FHIT: variants seen among roughly 807,000 people sequenced by gnomAD.
The protein encoded by FHIT is bis(5'-adenosyl)-triphosphatase.
FHIT carries 19 observed loss-of-function variants against 17.9 expected under a neutral mutation model. The observed-to-expected ratio is 1.06, with a 90% CI of 0.74 to 1.56. The LOEUF is 1.56. FHIT is among the 40% of genes most tolerant of loss of function. The pLI is 0.00. For synonymous variants in FHIT, 81 were observed against 69.7 expected, an observed-to-expected ratio of 1.16 and a Z score of -0.81; for missense variants, 248 against 189.2, an observed-to-expected ratio of 1.31 and a Z score of -1.82.
intron 5 of FHIT, among the ~76,000 whole-genome samples, chr3:60,397,292 G>A (rs1701483927): frequency 1.3e-5 from 2 of 152,168 alleles, no homozygotes; most frequent in African/African-American, 2.4e-5. Flanking sequence ...AGATTACTGG[G>A]GGAGGAAAGC....
chr3:60,256,845 T>G (rs767150909), intron 5 of FHIT, among the ~76,000 whole-genome samples: 2 of 152,208 alleles, frequency 1.3e-5, no homozygotes, highest in African/African-American at 2.4e-5. Context: ...CTCTATGATC[T>G]TACTAATATT....
At chr3:61,041,107 A>G (rs1049989516) in intron 3 of FHIT, among the ~76,000 whole-genome samples, 11 of 152,280 alleles carry the variant, frequency 7.2e-5, no homozygotes, top group East Asian at 1.9e-4. Context: ...CTGGCTGGGC[A>G]CGGTGGCTCA....
At chr3:60,573,447 T>C (rs181136411) in intron 4 of FHIT, among the ~76,000 whole-genome samples, 2 of 152,276 alleles carry the variant, frequency 1.3e-5, no homozygotes, top group Admixed American at 1.3e-4. Flanking sequence ...GTAGTGGGTA[T>C]AGAAAGGAGA....
At chr3:61,005,386 G>A (rs768183222) in intron 3 of FHIT, among the ~76,000 whole-genome samples, 3 of 152,100 alleles carry the variant, frequency 2.0e-5, no homozygotes, top group Non-Finnish European at 4.4e-5. Flanking sequence ...ATATGATGAT[G>A]AGGAGGAGCA....
chr3:59,976,240 G>C (rs1708407067), intron 7 of FHIT, among the ~76,000 whole-genome samples: 1 of 152,064 alleles, frequency 6.6e-6, no homozygotes, highest in African/African-American at 2.4e-5. Context: ...AAATGCTTTA[G>C]ATAAAATCGA....
intron 5 of FHIT, among the ~76,000 whole-genome samples, chr3:60,318,141 T>A (rs1709253265): frequency 6.6e-6 from 1 of 151,978 alleles, no homozygotes; most frequent in African/African-American, 2.4e-5. Context: ...CCTGAACACA[T>A]CATGGTATAA....
At chr3:60,516,016 TGGGGAAGGC>T (rs2035140630) in intron 5 of FHIT, among the ~76,000 whole-genome samples, 1 of 152,016 alleles carries the variant, frequency 6.6e-6, no homozygotes, top group African/African-American at 2.4e-5. Context: ...GTTGATATAG[TGGGGAAGGC>T]GGGGAAGGCA....
At chr3:60,647,100 G>A (rs890057427) in intron 4 of FHIT, among the ~76,000 whole-genome samples, 6 of 152,074 alleles carry the variant, frequency 3.9e-5, no homozygotes, top group African/African-American at 1.4e-4. Flanking sequence ...TCCCTACATG[G>A]CCCTCCTAAG....
At chr3:60,141,439 T>C (rs186723786) in intron 5 of FHIT, among the ~76,000 whole-genome samples, 11 of 146,708 alleles carry the variant, frequency 7.5e-5, no homozygotes, top group South Asian at 4.3e-4. Context: ...AAATGAGATA[T>C]TGAAAAATCA....
chr3:60,277,592 C>T (rs1190601853), intron 5 of FHIT, among the ~76,000 whole-genome samples: 1 of 152,128 alleles, frequency 6.6e-6, no homozygotes, highest in Non-Finnish European at 1.5e-5. Context: ...ATCCAGCTTC[C>T]TCGCATGTTA....
chr3:60,984,543 T>C (rs1243931301), intron 3 of FHIT, among the ~76,000 whole-genome samples: 1 of 152,202 alleles, frequency 6.6e-6, no homozygotes, highest in Non-Finnish European at 1.5e-5. Context: ...GGATCTGATA[T>C]TTAAGCCTTA....
rs1453819419 is a variant in FHIT at position 60,690,869 on chromosome 3, G to A, written c.-18+131050C>T. On this transcript the variant is annotated intron_variant, in intron 4 of 9. Transcript: ENST00000492590. Reference sequence around the variant, plus strand: ...CTCCTAGAGAGACTGTTAATGCACAGATTGCTACAGTTCATCCAGAGTCCT... The same window carrying A: ...CTCCTAGAGAGACTGTTAATGCACAAATTGCTACAGTTCATCCAGAGTCCT... 8 of 274,698 alleles carry A rather than the reference G, an allele frequency of 2.9e-5. No individual in the cohort carries two copies. In the East Asian group the frequency reaches 6.9e-4, roughly 24 times the overall value. The allele number at this position is 274,698 out of a possible 1,614,324, so 17.0% of individuals were successfully genotyped here.
intron 5 of FHIT, among the ~76,000 whole-genome samples, chr3:60,275,716 T>C (rs1707097748): frequency 6.6e-6 from 1 of 152,188 alleles, no homozygotes; most frequent in Admixed American, 6.5e-5. Context: ...AAGAAGATTT[T>C]GTTCTATAGT....
chr3:60,094,817 GAAGAA>G (rs1703874155), intron 5 of FHIT, among the ~76,000 whole-genome samples: 1 of 90,218 alleles, frequency 1.1e-5, no homozygotes, highest in Non-Finnish European at 2.6e-5. Context: ...GAGAGAGAGA[GAAGAA>G]GAGAGAGAGA....
At chr3:60,687,503 G>C (rs1553698728) in intron 4 of FHIT, among the ~76,000 whole-genome samples, 1 of 151,900 alleles carries the variant, frequency 6.6e-6, no homozygotes, top group African/African-American at 2.4e-5. Context: ...TTAATGTCTA[G>C]CTCTATTTCA....
rs1038510822 is a variant in FHIT at position 59,893,576 on chromosome 3, C to A, written c.348+28770G>T. On this transcript the variant is annotated intron_variant, in intron 8 of 9. Transcript: ENST00000492590. ...ATGGCAACATTATAAGTGCGCTGAA[C>A]AGCATTTTTGTAGGAAGTGTGTTCT... Among the ~76,000 whole-genome samples, 25 of 152,258 alleles carry A rather than the reference C, an allele frequency of 1.6e-4. No individual in the cohort carries two copies. In the East Asian group the frequency reaches 4.6e-3, roughly 28 times the overall value.
rs1491311135 is a variant in FHIT, at chr3:61,239,761, C to CAATATATATATATATATATATA, written c.-213+11539_-213+11540insTATATATATATATATATATATT. On this transcript the variant is annotated intron_variant, in intron 1 of 9. Transcript: ENST00000492590. ...TAAAACTGCAAAGAAAAACAACTGGCCATATATATATATATATATATATAC... is the reference window on the plus strand; with the variant it reads ...TAAAACTGCAAAGAAAAACAACTGGCAATATATATATATATATATATACATATATATATATATATATATATAC... 3.2e-5 allele frequency among the ~76,000 whole-genome samples: 2 copies of CAATATATATATATATATATATA among 63,166 alleles called. 1 individual carries two copies. Among genetic ancestry groups the CAATATATATATATATATATATA allele is most frequent in the East Asian group, 1.9e-3 (2 of 1,032 alleles). The allele number at this position is 63,166 out of a possible 152,430, so 41.4% of individuals were successfully genotyped here.
intron 2 of FHIT, among the ~76,000 whole-genome samples, chr3:61,126,196 G>A (rs1027931193): frequency 6.6e-6 from 1 of 152,050 alleles, no homozygotes; most frequent in Non-Finnish European, 1.5e-5. Context: ...ATCTACTTGA[G>A]CCAGACACCA....
At chr3:60,495,659 G>A (rs920589557) in intron 5 of FHIT, among the ~76,000 whole-genome samples, 1 of 151,972 alleles carries the variant, frequency 6.6e-6, no homozygotes, top group Non-Finnish European at 1.5e-5. Flanking sequence ...TTCCATAAAT[G>A]AATCCATGTA....
Sources: gnomAD v4.1 joint callset for allele counts (sites outside exome capture counted in the v4.1 genomes callset) on GRCh38, gnomAD v4.1.1 for gene constraint, MANE v1.5 for transcripts, NCBI Gene and HGNC (gene_info 2026-07-23, HGNC 2026-07-21) for gene names.